KLF12: variants seen among roughly 807,000 people sequenced by gnomAD.
KLF12 encodes KLF transcription factor 12.
Under a neutral mutation model 37.8 loss-of-function variants are expected in KLF12, and 9 were observed. The ratio of observed to expected loss-of-function variants is 0.24; its 90% CI spans 0.14 to 0.42. KLF12 has a LOEUF of 0.42. Among genes scored for constraint, KLF12 ranks in the 10% least tolerant of loss-of-function variants. The pLI is 1.00. For missense variants in KLF12, 411 were observed against 516.0 expected, an observed-to-expected ratio of 0.80 and a Z score of 1.97; for synonymous variants, 208 against 202.1, an observed-to-expected ratio of 1.03 and a Z score of -0.25.
chr13:74,050,652 T>C (rs1423074971), intron 1 of KLF12, among the ~76,000 whole-genome samples: 1 of 152,178 alleles, frequency 6.6e-6, no homozygotes, highest in Non-Finnish European at 1.5e-5. Flanking sequence ...ATTACTGTTA[T>C]TGGTCTGGTC....
intron 1 of KLF12, among the ~76,000 whole-genome samples, chr13:74,084,446 A>G (rs1339803575): frequency 6.6e-6 from 1 of 152,142 alleles, no homozygotes; most frequent in Non-Finnish European, 1.5e-5. Flanking sequence ...TCCCCATTAG[A>G]TTTTAAAGGT....
chr13:74,272,104 G>C, the KLF12 span, among the ~76,000 whole-genome samples: 1 of 151,876 alleles, frequency 6.6e-6, no homozygotes, highest in African/African-American at 2.4e-5. Context: ...TAAAAATCAG[G>C]GTTGTAAAGA....
At chr13:73,818,887 T>C (rs1203355740) in intron 4 of KLF12, among the ~76,000 whole-genome samples, 2 of 152,186 alleles carry the variant, frequency 1.3e-5, no homozygotes, top group Admixed American at 6.5e-5. Flanking sequence ...GGTGCCCTAA[T>C]TGTTCGCCCT....
chr13:73,960,641 A>T (rs1379081814), intron 2 of KLF12, among the ~76,000 whole-genome samples: 3 of 152,206 alleles, frequency 2.0e-5, no homozygotes, highest in African/African-American at 7.2e-5. Context: ...TTACAGTTAC[A>T]ATTTAACTAA....
intron 1 of KLF12, among the ~76,000 whole-genome samples, chr13:74,029,539 T>C (rs1893063854): frequency 6.6e-6 from 1 of 152,128 alleles, no homozygotes; most frequent in South Asian, 2.1e-4. Flanking sequence ...CATAAATCTT[T>C]ACGGTTCTCT....
intron 3 of KLF12, among the ~76,000 whole-genome samples, chr13:73,885,310 C>T (rs1217229240): frequency 6.6e-6 from 1 of 152,150 alleles, no homozygotes; most frequent in Non-Finnish European, 1.5e-5. Flanking sequence ...AGGGGCTAAT[C>T]TTTGATTCAT....
chr13:74,029,701 C>G (rs934573871), intron 1 of KLF12, among the ~76,000 whole-genome samples: 14 of 152,068 alleles, frequency 9.2e-5, no homozygotes, highest in African/African-American at 3.4e-4. Context: ...AAGTCTGGCC[C>G]CTAGAAAGGA....
chr13:74,123,927 A>G (rs1566223877), intron 1 of KLF12, among the ~76,000 whole-genome samples: 1 of 152,192 alleles, frequency 6.6e-6, no homozygotes. Flanking sequence ...TACATGGGTA[A>G]CATGTGTTCA....
chr13:73,892,568 T>C (rs1002997704), intron 3 of KLF12, among the ~76,000 whole-genome samples: 14 of 152,190 alleles, frequency 9.2e-5, no homozygotes, highest in African/African-American at 3.4e-4. Context: ...TAAACTCTTA[T>C]TTTGCTTAAG....
chr13:73,729,519 G>A (rs924285776), intron 6 of KLF12, among the ~76,000 whole-genome samples: 1 of 152,200 alleles, frequency 6.6e-6, no homozygotes, highest in East Asian at 1.9e-4. Context: ...AGCATAGCCT[G>A]GAGTGGTTAA....
At chr13:73,755,678 A>G (rs994830423) in intron 6 of KLF12, among the ~76,000 whole-genome samples, 3 of 151,774 alleles carry the variant, frequency 2.0e-5, no homozygotes, top group Non-Finnish European at 2.9e-5. Flanking sequence ...TACATAAATA[A>G]GTTATTTGGT....
At chr13:74,196,652 G>T in the KLF12 span, among the ~76,000 whole-genome samples, 5 of 152,234 alleles carry the variant, frequency 3.3e-5, no homozygotes, top group South Asian at 6.2e-4. Context: ...GTTAGCCTGA[G>T]CATGGTCACA....
At chr13:73,734,026 C>T (rs1877261745) in intron 6 of KLF12, among the ~76,000 whole-genome samples, 1 of 152,214 alleles carries the variant, frequency 6.6e-6, no homozygotes. Flanking sequence ...TCTGCTCCGC[C>T]ACAGTGGCCT....
chr13:74,237,708 T>C, the KLF12 span, among the ~76,000 whole-genome samples: 1 of 152,134 alleles, frequency 6.6e-6, no homozygotes, highest in Non-Finnish European at 1.5e-5. Flanking sequence ...GAAGCAATTG[T>C]GAATGGGAGT....
At chr13:74,283,621 G>A in the KLF12 span, among the ~76,000 whole-genome samples, 1 of 152,114 alleles carries the variant, frequency 6.6e-6, no homozygotes, top group Non-Finnish European at 1.5e-5. Context: ...GGGAATTGGG[G>A]CTGTATTTAG....
intron 3 of KLF12, among the ~76,000 whole-genome samples, chr13:73,926,586 T>C (rs1889386015): frequency 6.6e-6 from 1 of 152,040 alleles, no homozygotes; most frequent in South Asian, 2.1e-4. Flanking sequence ...GAGGTGTGTC[T>C]GTATCTTCAG....
In KLF12 at chr13:73,691,389, C is replaced by CTTA. The variant is rs1566298248; in HGVS notation, c.*4100_*4101insTAA. The stretch of plus-strand genomic sequence containing the variant: ...GAGATTTGGTCAATGATGTTTTATA[C>CTTA]TAGAATACATTTACCTGCTAAGTTT... On this transcript the variant is annotated 3_prime_UTR_variant, in exon 8 of 8. Coordinates refer to ENST00000377669, the MANE Select transcript of KLF12 (RefSeq NM_007249.5). 6.6e-6 allele frequency: 1 copy of CTTA among 152,634 alleles called. No individual in the cohort carries two copies. The highest frequency in any genetic ancestry group is 2.4e-5 in the African/African-American group (1 of 41,464). The allele number at this position is 152,634 out of a possible 1,614,324, so 9.5% of individuals were successfully genotyped here. A position where few individuals can be genotyped will look rare whatever the true frequency, so the allele number is the denominator to read the frequency against.
chr13:74,221,131 A>G, the KLF12 span, among the ~76,000 whole-genome samples: 1 of 151,474 alleles, frequency 6.6e-6, no homozygotes, highest in East Asian at 1.9e-4. Flanking sequence ...CAGCCTGCGG[A>G]GTAGCTGGGA....
intron 1 of KLF12, among the ~76,000 whole-genome samples, chr13:74,100,012 G>A (rs1876231844): frequency 6.6e-6 from 1 of 152,054 alleles, no homozygotes; most frequent in Non-Finnish European, 1.5e-5. Flanking sequence ...AGGGAAGCAG[G>A]TCCACTGACA....
Sources: gnomAD v4.1 joint callset for allele counts (sites outside exome capture counted in the v4.1 genomes callset) on GRCh38, gnomAD v4.1.1 for gene constraint, MANE v1.5 for transcripts, NCBI Gene and HGNC (gene_info 2026-07-23, HGNC 2026-07-21) for gene names.